The following HFM1 variants were observed in gnomAD, a reference collection of about 807,000 sequenced individuals.
The protein encoded by HFM1 is probable ATP-dependent DNA helicase HFM1.
In HFM1, 169 loss-of-function variants were observed where a neutral mutation model predicts 192.1. The observed-to-expected ratio is 0.88, with a 90% CI of 0.78 to 1.00. The LOEUF is 1.00. HFM1 is among the 50% of genes least tolerant of loss of function. The probability of loss-of-function intolerance (pLI) is 0.00; values close to 1 mark genes in which losing one functional copy is unlikely to be tolerated. For synonymous variants in HFM1, 525 were observed against 537.8 expected, an observed-to-expected ratio of 0.98 and a Z score of 0.33; for missense variants, 1,661 against 1,668.0, an observed-to-expected ratio of 1.00 and a Z score of 0.07.
chr1:91,318,198 T>A (rs281996), intron 25 of HFM1, among the ~76,000 whole-genome samples: 49 of 151,870 alleles, frequency 3.2e-4, no homozygotes, highest in African/African-American at 1.1e-3. Flanking sequence ...ATCTCTCCCC[T>A]TACTTTCACC....
intron 20 of HFM1, chr1:91,329,485 C>T: frequency 6.4e-7 from 1 of 1,558,532 alleles, no homozygotes; most frequent in Non-Finnish European, 8.7e-7. Flanking sequence ...AAGGCAAAGA[C>T]TGGGGCAGCA....
At chr1:91,348,298 T>C (rs1656415775) in intron 18 of HFM1, among the ~76,000 whole-genome samples, 2 of 152,040 alleles carry the variant, frequency 1.3e-5, no homozygotes, top group African/African-American at 2.4e-5. Flanking sequence ...ATACATAATA[T>C]TGATAAAAAT....
intron 20 of HFM1, chr1:91,328,695 C>A: frequency 1.2e-6 from 2 of 1,601,264 alleles, no homozygotes; most frequent in South Asian, 1.1e-5. Context: ...AACTGCGGGG[C>A]TGAGGCAGAG....
intron 34 of HFM1, among the ~76,000 whole-genome samples, chr1:91,270,748 A>G (rs1666214352): frequency 1.3e-5 from 2 of 152,142 alleles, no homozygotes; most frequent in East Asian, 3.9e-4. Context: ...AAAGAGATTA[A>G]CAGTTGAAAA....
Position 91,267,727 on chromosome 1 carries a change from T to C in HFM1, c.3883+18A>G. ...AAGAATTCCTAATGAAATGATTGCA[T>C]GCTAAGTATGATTTTACCTGATATT... On this transcript the variant is annotated intron_variant, in intron 35 of 38. Coordinates refer to ENST00000370425, the MANE Select transcript of HFM1 (RefSeq NM_001017975.6). 1 of 1,066,202 alleles carries C rather than the reference T, an allele frequency of 9.4e-7. No homozygotes were observed. 66.0% of individuals were successfully genotyped at this position (1,066,202 alleles called of 1,614,324 possible).
intron 20 of HFM1, among the ~76,000 whole-genome samples, chr1:91,325,013 T>C (rs556774338): frequency 6.6e-6 from 1 of 152,250 alleles, no homozygotes; most frequent in South Asian, 2.1e-4. Context: ...AGCTTGGCCA[T>C]GGCTGGGTAG....
chr1:91,341,728 A>C (rs980572913), intron 20 of HFM1, among the ~76,000 whole-genome samples: 3 of 152,026 alleles, frequency 2.0e-5, no homozygotes, highest in African/African-American at 7.2e-5. Context: ...CAGACAAATA[A>C]ACACAATCAG....
chr1:91,350,885 A>C lies in HFM1; in HGVS notation c.2073-14T>G, dbSNP rs763876266. On this transcript the variant is annotated splice_polypyrimidine_tract_variant and intron_variant, in intron 17 of 38. Transcript: ENST00000370425. ...TGTCTGTGCAAACTAATGAAAAAAA[A>C]CTTTGCATTATGAATATGCAGTTCA... The C allele has an allele frequency of 1.3e-6, 2 of 1,558,322 alleles. No individual in the cohort carries two copies. Among genetic ancestry groups the C allele is most frequent in the East Asian group, 2.3e-5 (1 of 43,712 alleles).
chr1:91,366,644 A>T (rs141469277), intron 13 of HFM1, among the ~76,000 whole-genome samples: 30 of 152,338 alleles, frequency 2.0e-4, no homozygotes, highest in Non-Finnish European at 2.9e-4. Flanking sequence ...AGGTGGGTGG[A>T]GCCAAGATGG....
chr1:91,362,039 T>C (rs961161436), intron 13 of HFM1, among the ~76,000 whole-genome samples: 1 of 152,158 alleles, frequency 6.6e-6, no homozygotes, highest in Admixed American at 6.6e-5. Flanking sequence ...TGAAGGAACA[T>C]ACCTCAAAAT....
chr1:91,349,370 G>A (rs367834288), intron 18 of HFM1, among the ~76,000 whole-genome samples: 1 of 152,024 alleles, frequency 6.6e-6, no homozygotes, highest in South Asian at 2.1e-4. Context: ...ATGTGACCAG[G>A]ACTCAGTGAC....
intron 20 of HFM1, among the ~76,000 whole-genome samples, chr1:91,339,685 AAGAGAGGGAG>A (rs1053278845): frequency 8.5e-5 from 13 of 152,234 alleles, no homozygotes; most frequent in African/African-American, 3.1e-4. Context: ...GTAGCCCTGA[AAGAGAGGGAG>A]AGAGAGAGAG....
At chr1:91,328,374 T>A in intron 20 of HFM1, 1 of 1,569,938 alleles carries the variant, frequency 6.4e-7, no homozygotes, top group Non-Finnish European at 8.6e-7. Flanking sequence ...CCCTCCTCTG[T>A]GTTGCCATGG....
intron 23 of HFM1, among the ~76,000 whole-genome samples, chr1:91,320,382 T>C (rs1023510534): frequency 1.3e-5 from 2 of 152,202 alleles, no homozygotes; most frequent in African/African-American, 4.8e-5. Context: ...AATTATTTTA[T>C]ATCATCTATT....
chr1:91,306,219 G>A (rs1303405792), intron 30 of HFM1, among the ~76,000 whole-genome samples: 4 of 152,062 alleles, frequency 2.6e-5, no homozygotes, highest in Non-Finnish European at 5.9e-5. Flanking sequence ...TGTAATCCCA[G>A]CACTCGGGAG....
At chr1:91,295,222 A>G (rs111250831) in intron 30 of HFM1, among the ~76,000 whole-genome samples, 19 of 152,220 alleles carry the variant, frequency 1.2e-4, no homozygotes, top group East Asian at 1.9e-4. Context: ...ACTTATACAT[A>G]TAGGAGTTCT....
chr1:91,263,622 A>C (rs1169461629), intron 36 of HFM1, among the ~76,000 whole-genome samples: 1 of 151,930 alleles, frequency 6.6e-6, no homozygotes, highest in Non-Finnish European at 1.5e-5. Flanking sequence ...AGTGGTGTGT[A>C]TGTACCTGTA....
chr1:91,343,230 C>CAAAAAAA (rs34902756), intron 20 of HFM1, among the ~76,000 whole-genome samples, 200 bp downstream of exon 20: 57 of 74,812 alleles, frequency 7.6e-4, no homozygotes, highest in Non-Finnish European at 9.4e-4. Context: ...GACTCTGTCT[C>CAAAAAAA]AAAAAAAAAA....
rs1453107769 is a variant in HFM1 at position 91,316,238 on chromosome 1, T to A, written c.2899-54A>T. Reference sequence around the variant, plus strand: ...ACCACAACACTTGAAATTCTTTTAGTAAAATATTTTTTAGAATAAATAGCT... The same window carrying A: ...ACCACAACACTTGAAATTCTTTTAGAAAAATATTTTTTAGAATAAATAGCT... On this transcript the variant is annotated intron_variant, in intron 26 of 38. Transcript: ENST00000370425. 3.4e-6 allele frequency: 4 copies of A among 1,188,018 alleles called. No individual in the cohort carries two copies. In the Admixed American group the frequency reaches 9.2e-5, roughly 27 times the overall value. The allele number at this position is 1,188,018 out of a possible 1,614,324, so 73.6% of individuals were successfully genotyped here.
Sources: gnomAD v4.1 joint callset for allele counts (sites outside exome capture counted in the v4.1 genomes callset) on GRCh38, gnomAD v4.1.1 for gene constraint, MANE v1.5 for transcripts, NCBI Gene and HGNC (gene_info 2026-07-23, HGNC 2026-07-21) for gene names.